The following CCAR1 variants were observed in gnomAD, a reference collection of about 807,000 sequenced individuals.
The protein encoded by CCAR1 is cell division cycle and apoptosis regulator protein 1.
In CCAR1, 78 loss-of-function variants were observed where a neutral mutation model predicts 163.8. The ratio of observed to expected loss-of-function variants is 0.48; its 90% CI spans 0.40 to 0.57. The LOEUF (loss-of-function observed/expected upper bound fraction) is 0.57, where lower values mean the gene tolerates loss of function less well. Ranked by LOEUF, CCAR1 falls within the 20% of genes least tolerant of loss-of-function variation. The pLI, the probability that CCAR1 is intolerant of heterozygous loss-of-function variation, is 0.00. For synonymous variants in CCAR1, 443 were observed against 460.7 expected (o/e 0.96, Z 0.49); for missense variants, 1,019 against 1,365.2 (o/e 0.75, Z 4.00).
intron 2 of CCAR1, among the ~76,000 whole-genome samples, chr10:68,727,074 G>GTT (rs1417202441): frequency 1.2e-4 from 15 of 121,530 alleles, no homozygotes; most frequent in South Asian, 2.7e-4. Flanking sequence ...TTTTTTTTTT[G>GTT]TTTTTTTTTT....
chr10:68,777,497 A>G (rs572803921), intron 19 of CCAR1, among the ~76,000 whole-genome samples: 1 of 152,218 alleles, frequency 6.6e-6, no homozygotes, highest in African/African-American at 2.4e-5. Flanking sequence ...AGGCTGGCCA[A>G]TATGGTGAAA....
Position 68,754,021 on chromosome 10 carries a change from GA to G in CCAR1, c.1295del (p.Asn432IlefsTer18), listed in dbSNP as rs951233372. On this transcript the variant is annotated frameshift_variant, in exon 11 of 25. Transcript: ENST00000265872. ...AATGCACAGAGAAGTAGAGTCCTTAGAAAAAAATATGGCCATTCTTGATCCA... is the reference window on the plus strand; with the variant it reads ...AATGCACAGAGAAGTAGAGTCCTTAGAAAAAATATGGCCATTCTTGATCCA... ...YVMHREVESL[E>X]KNMAILDPPD... 6.2e-7 allele frequency: 1 copy of G among 1,613,878 alleles called. No homozygotes were observed. Among genetic ancestry groups the G allele is most frequent in the Non-Finnish European group, 8.5e-7 (1 of 1,179,904 alleles).
At chr10:68,744,494 A>G (rs1405181473) in intron 6 of CCAR1, among the ~76,000 whole-genome samples, 1 of 152,192 alleles carries the variant, frequency 6.6e-6, no homozygotes, top group Non-Finnish European at 1.5e-5. Context: ...TGAAAAAGTC[A>G]ATAGGATCAA....
At chr10:68,759,152 G>A (rs1393469788) in intron 15 of CCAR1, among the ~76,000 whole-genome samples, 2 of 152,196 alleles carry the variant, frequency 1.3e-5, no homozygotes, top group Non-Finnish European at 2.9e-5. Flanking sequence ...GGTAGCTCAT[G>A]CCTGTGATCC....
chr10:68,741,933 C>T (rs1035911296), intron 5 of CCAR1, among the ~76,000 whole-genome samples: 6 of 152,098 alleles, frequency 3.9e-5, no homozygotes, highest in African/African-American at 1.4e-4. Context: ...ACTCATAACT[C>T]CTATTTTCAA....
intron 5 of CCAR1, among the ~76,000 whole-genome samples, chr10:68,741,251 A>G (rs1292466438): frequency 6.6e-6 from 1 of 152,058 alleles, no homozygotes; most frequent in Non-Finnish European, 1.5e-5. Flanking sequence ...CTGATTTTTC[A>G]TTGATACTGA....
intron 10 of CCAR1, 53 bp downstream of exon 10, chr10:68,749,738 G>C: frequency 6.9e-7 from 1 of 1,445,644 alleles, no homozygotes; most frequent in Non-Finnish European, 9.6e-7. Flanking sequence ...CATATAATTT[G>C]ATAGAATATG....
chr10:68,790,045 C>T (rs2056836336), intron 24 of CCAR1, 130 bp downstream of exon 24: 1 of 574,578 alleles, frequency 1.7e-6, no homozygotes, highest in African/African-American at 2.0e-5. Context: ...TTGTGACCTT[C>T]CTGAGATTAG....
Position 68,749,116 on chromosome 10 carries a change from T to C in CCAR1, c.827-20T>C. On this transcript the variant is annotated intron_variant, in intron 8 of 24. Coordinates refer to ENST00000265872, the MANE Select transcript of CCAR1 (RefSeq NM_018237.4). Reference sequence around the variant, plus strand: ...CTTTGTTTAGACACGCTAAACGTTTTTTTCTTTTATCTTTTAAAGCTGGTT... The same window carrying C: ...CTTTGTTTAGACACGCTAAACGTTTCTTTCTTTTATCTTTTAAAGCTGGTT... The C allele has an allele frequency of 6.2e-7, 1 of 1,613,874 alleles. No individual in the cohort carries two copies. The highest frequency in any genetic ancestry group is 8.5e-7 in the Non-Finnish European group (1 of 1,179,900).
intron 17 of CCAR1, among the ~76,000 whole-genome samples, chr10:68,767,360 C>T (rs149711021): frequency 7.6e-4 from 115 of 152,206 alleles, no homozygotes; most frequent in Non-Finnish European, 1.5e-3. Context: ...CTCTGCCTCC[C>T]AGGCTCAAGC....
chr10:68,767,004 T>C (rs1358651193), intron 17 of CCAR1, among the ~76,000 whole-genome samples: 3 of 152,320 alleles, frequency 2.0e-5, no homozygotes, highest in East Asian at 1.9e-4. Flanking sequence ...TGTAAATTGA[T>C]TGTTGGATCT....
chr10:68,779,447 CAG>C (rs1181018251), intron 19 of CCAR1, among the ~76,000 whole-genome samples: 2 of 151,348 alleles, frequency 1.3e-5, no homozygotes, highest in Non-Finnish European at 2.9e-5. Flanking sequence ...TTAGTAGAGA[CAG>C]GGTTTCACCA....
chr10:68,767,029 G>T (rs1238457568), intron 17 of CCAR1, among the ~76,000 whole-genome samples: 3 of 152,086 alleles, frequency 2.0e-5, no homozygotes, highest in African/African-American at 7.2e-5. Flanking sequence ...TTTTAATCAA[G>T]TCCAGTTCTG....
intron 19 of CCAR1, among the ~76,000 whole-genome samples, chr10:68,777,890 C>T (rs2056687576): frequency 6.6e-6 from 1 of 152,112 alleles, no homozygotes; most frequent in Non-Finnish European, 1.5e-5. Flanking sequence ...GATGATCACA[C>T]CACTGCACTC....
chr10:68,742,530 CGTTTGG>C lies in CCAR1; in HGVS notation c.480_485del (p.Gly162_Phe163del), dbSNP rs1180155575. ...GGGGTGGTTACAAAACTACATGATA[CGTTTGG>C]ATTTGTGGATGAAGATGTATTCTTT... On this transcript the variant is annotated inframe_deletion, in exon 6 of 25. Coordinates refer to ENST00000265872, the MANE Select transcript of CCAR1 (RefSeq NM_018237.4). 1 of 1,613,926 alleles carries C rather than the reference CGTTTGG, an allele frequency of 6.2e-7. No individual in the cohort carries two copies. Among genetic ancestry groups the C allele is most frequent in the Non-Finnish European group, 8.5e-7 (1 of 1,179,896 alleles).
At chr10:68,758,649 A>G (rs6480363) in intron 15 of CCAR1, among the ~76,000 whole-genome samples, 16 of 80,032 alleles carry the variant, frequency 2.0e-4, no homozygotes, top group African/African-American at 1.4e-3. Context: ...ACACACGTGT[A>G]TATATATATA....
chr10:68,749,625 G>A lies in CCAR1; in HGVS notation c.1058G>A (p.Arg353Gln). The A allele has an allele frequency of 5.6e-6, 9 of 1,614,018 alleles. No individual in the cohort carries two copies. Among genetic ancestry groups the A allele is most frequent in the Middle Eastern group, 1.6e-4 (1 of 6,062 alleles). Residue 353 changes from arginine to glutamine, a missense_variant, in exon 10 of 25, where the codon CGG (arginine) becomes CAG (glutamine). Physicochemically the swap from Arg to Gln is conservative, Grantham distance 43. Coordinates refer to ENST00000265872, the MANE Select transcript of CCAR1 (RefSeq NM_018237.4). ...SPRRERERSP[R>Q]RVRRVVPRYT... is the part of the protein sequence containing the mutation. ...CGAAGAGAGCGAGAGCGATCACCTC[G>A]GAGAGTTCGACGTGTTGTTCCACGT...
intron 2 of CCAR1, among the ~76,000 whole-genome samples, chr10:68,724,958 G>C (rs1332972436): frequency 6.6e-6 from 1 of 152,022 alleles, no homozygotes; most frequent in Non-Finnish European, 1.5e-5. Flanking sequence ...GACAAACATG[G>C]AGAAACCCCG....
intron 12 of CCAR1, 78 bp downstream of exon 12, chr10:68,754,905 C>A: frequency 1.3e-6 from 1 of 771,092 alleles, no homozygotes; most frequent in South Asian, 1.6e-5. Flanking sequence ...AAATCTAAAG[C>A]CCTACATTTT....
Sources: gnomAD v4.1 joint callset for allele counts (sites outside exome capture counted in the v4.1 genomes callset) on GRCh38, gnomAD v4.1.1 for gene constraint, MANE v1.5 for transcripts, NCBI Gene and HGNC (gene_info 2026-07-23, HGNC 2026-07-21) for gene names.